Variants in ANK2 observed in about 807,000 individuals in gnomAD.
ANK2 encodes ankyrin 2.
In ANK2, 83 loss-of-function variants were observed where a neutral mutation model predicts 360.5. That is an observed-to-expected ratio of 0.23 (90% CI 0.19 to 0.28). The LOEUF (loss-of-function observed/expected upper bound fraction) is 0.28, where lower values mean the gene tolerates loss of function less well. Ranked by LOEUF, ANK2 falls within the 10% of genes least tolerant of loss-of-function variation. ANK2 has a pLI of 1.00. For synonymous variants in ANK2, 1,740 were observed against 1,759.5 expected (o/e 0.99, Z 0.28); for missense variants, 4,201 against 4,795.7 (o/e 0.88, Z 3.66).
intron 1 of ANK2, among the ~76,000 whole-genome samples, chr4:113,166,445 GTA>G (rs778933953): frequency 2.2e-4 from 33 of 150,802 alleles, no homozygotes; most frequent in Middle Eastern, 3.6e-3. Flanking sequence ...ATGTATATAT[GTA>G]TATATATATA....
At chr4:112,978,892 G>A (rs1191944994) in intron 2 of ANK2, among the ~76,000 whole-genome samples, 2 of 152,164 alleles carry the variant, frequency 1.3e-5, no homozygotes, top group Non-Finnish European at 2.9e-5. Flanking sequence ...TGCTGTTACT[G>A]GAGCCAACTG....
chr4:113,018,102 T>C (rs911375926), intron 2 of ANK2, among the ~76,000 whole-genome samples: 1 of 152,258 alleles, frequency 6.6e-6, no homozygotes. Flanking sequence ...GTGCATTAGA[T>C]TTTTAAAGAG....
intron 2 of ANK2, among the ~76,000 whole-genome samples, chr4:112,915,335 A>G (rs2089374859): frequency 6.6e-6 from 1 of 152,216 alleles, no homozygotes; most frequent in African/African-American, 2.4e-5. Flanking sequence ...TTTACCAAGA[A>G]CATGAGGCCC....
At chr4:112,809,962 G>A in the ANK2 span, among the ~76,000 whole-genome samples, 1 of 151,472 alleles carries the variant, frequency 6.6e-6, no homozygotes, top group Non-Finnish European at 1.5e-5. Flanking sequence ...AAAATAAATA[G>A]AGAGTATAAC....
intron 1 of ANK2, among the ~76,000 whole-genome samples, chr4:113,075,395 G>A (rs1466167299): frequency 6.6e-6 from 1 of 152,124 alleles, no homozygotes; most frequent in African/African-American, 2.4e-5. Context: ...TCCAGTTCCA[G>A]TCTTTATGTC....
At chr4:113,200,529 C>A (rs1312565917) in intron 4 of ANK2, among the ~76,000 whole-genome samples, 1 of 152,132 alleles carries the variant, frequency 6.6e-6, no homozygotes, top group Non-Finnish European at 1.5e-5. Context: ...ATCTTTATGT[C>A]CATGTGAACT....
intron 8 of ANK2, among the ~76,000 whole-genome samples, chr4:113,241,327 A>G (rs2039739057): frequency 6.6e-6 from 1 of 152,066 alleles, no homozygotes; most frequent in Non-Finnish European, 1.5e-5. Context: ...ATTCTGAAGG[A>G]GACGTTTGTT....
intron 1 of ANK2, among the ~76,000 whole-genome samples, chr4:113,168,923 A>T (rs1033962028): frequency 6.6e-6 from 1 of 152,220 alleles, no homozygotes; most frequent in African/African-American, 2.4e-5. Flanking sequence ...ATCACTGGTG[A>T]CAGACCACAC....
At chr4:113,328,098 G>C (rs1211396587) in intron 26 of ANK2, among the ~76,000 whole-genome samples, 1 of 152,130 alleles carries the variant, frequency 6.6e-6, no homozygotes, top group African/African-American at 2.4e-5. Context: ...AATAAATGTA[G>C]TGGAGAGGTT....
chr4:113,067,740 G>T (rs551220480), intron 1 of ANK2, among the ~76,000 whole-genome samples: 1 of 152,314 alleles, frequency 6.6e-6, no homozygotes, highest in African/African-American at 2.4e-5. Flanking sequence ...TGCCCCCAGA[G>T]ATGATTTCCT....
At position 112,923,021 on chromosome 4, in the gene ANK2, C is replaced by T. The variant is rs562307324; in HGVS notation, c.21+18507C>T. ...AAAATACCTTGAATTTATTATTAGA[C>T]GTGTAGATTTAAATGTCACAAGATA... On this transcript the variant is annotated intron_variant, in intron 2 of 30. Coordinates refer to the ANK2 transcript ENST00000503271. Among the ~76,000 whole-genome samples the T allele has an allele frequency of 1.2e-4, 18 of 152,006 alleles. No homozygotes were observed. The South Asian group carries it at 2.1e-3, about 18-fold the overall frequency.
At chr4:113,335,483 T>C (rs780981297) in intron 29 of ANK2, among the ~76,000 whole-genome samples, 5 of 152,184 alleles carry the variant, frequency 3.3e-5, no homozygotes, top group African/African-American at 4.8e-5. Context: ...TTCCTTTCCA[T>C]CACATGAACC....
intron 1 of ANK2, among the ~76,000 whole-genome samples, chr4:112,843,924 T>A (rs1352663375): frequency 2.6e-5 from 4 of 152,150 alleles, no homozygotes. Context: ...TTAAAGCAAT[T>A]GACTCTCAAA....
the ANK2 span, among the ~76,000 whole-genome samples, chr4:112,794,974 G>T: frequency 6.6e-6 from 1 of 152,150 alleles, no homozygotes; most frequent in Admixed American, 6.5e-5. Context: ...TGTTTGTTAT[G>T]AAAATCAAAT....
intron 2 of ANK2, among the ~76,000 whole-genome samples, chr4:113,018,634 C>T (rs193218980): frequency 2.0e-5 from 3 of 152,308 alleles, no homozygotes; most frequent in Admixed American, 6.5e-5. Context: ...CCAATTCTAG[C>T]ACCTGCATGG....
chr4:112,785,577 T>A, the ANK2 span, among the ~76,000 whole-genome samples: 1 of 152,060 alleles, frequency 6.6e-6, no homozygotes, highest in African/African-American at 2.4e-5. Flanking sequence ...TTCACCATGT[T>A]GGTCAGGCTA....
At chr4:112,920,066 T>C (rs1045719788) in intron 2 of ANK2, among the ~76,000 whole-genome samples, 2 of 152,142 alleles carry the variant, frequency 1.3e-5, no homozygotes, top group Non-Finnish European at 2.9e-5. Context: ...ATTTTAAGTA[T>C]TGTAGGAGTA....
At chr4:113,286,311 A>G (rs1252861889) in intron 18 of ANK2, among the ~76,000 whole-genome samples, 1 of 152,232 alleles carries the variant, frequency 6.6e-6, no homozygotes, top group Non-Finnish European at 1.5e-5. Context: ...ATTTTAATAG[A>G]AAAGGATACA....
intron 24 of ANK2, chr4:113,317,484 G>T: frequency 1.8e-6 from 1 of 568,786 alleles, no homozygotes; most frequent in Non-Finnish European, 3.2e-6. Context: ...TTAACTTCTG[G>T]ATTCCCTTGT....
Sources: gnomAD v4.1 joint callset for allele counts (sites outside exome capture counted in the v4.1 genomes callset) on GRCh38, gnomAD v4.1.1 for gene constraint, MANE v1.5 for transcripts, NCBI Gene and HGNC (gene_info 2026-07-23, HGNC 2026-07-21) for gene names.